The following DLGAP2 variants were observed in gnomAD, a reference collection of about 807,000 sequenced individuals.
DLGAP2 encodes the protein DLG associated protein 2, also known as disks large-associated protein 2.
Under a neutral mutation model 100.3 loss-of-function variants are expected in DLGAP2, and 26 were observed. The observed-to-expected ratio is 0.26, with a 90% CI of 0.19 to 0.36. The LOEUF is 0.36. Among genes scored for constraint, DLGAP2 ranks in the 10% least tolerant of loss-of-function variants. The pLI, the probability that DLGAP2 is intolerant of heterozygous loss-of-function variation, is 1.00. For missense variants in DLGAP2, 1,858 were observed against 1,453.2 expected, an observed-to-expected ratio of 1.28 and a Z score of -4.53; for synonymous variants, 886 against 630.1, an observed-to-expected ratio of 1.41 and a Z score of -6.08.
intron 3 of DLGAP2, among the ~76,000 whole-genome samples, chr8:1,278,791 A>C (rs1295189364): frequency 6.6e-6 from 1 of 152,228 alleles, no homozygotes; most frequent in African/African-American, 2.4e-5. Flanking sequence ...AAGCCATAAA[A>C]ATAATTTCAG....
intron 1 of DLGAP2, among the ~76,000 whole-genome samples, chr8:785,220 T>TGAAAA (rs1821808165): frequency 7.5e-5 from 1 of 13,388 alleles, no homozygotes; most frequent in Non-Finnish European, 1.6e-4. Flanking sequence ...AGACTCCGCC[T>TGAAAA]CAAAAAAAAA....
intron 2 of DLGAP2, among the ~76,000 whole-genome samples, chr8:1,229,608 A>G (rs1159013083): frequency 6.6e-6 from 1 of 152,160 alleles, no homozygotes; most frequent in Non-Finnish European, 1.5e-5. Context: ...TGATGAACAC[A>G]GATGCAAACA....
chr8:1,516,487 G>C (rs1584976383), intron 4 of DLGAP2, among the ~76,000 whole-genome samples: 3 of 150,720 alleles, frequency 2.0e-5, no homozygotes, highest in East Asian at 3.9e-4. Flanking sequence ...GAGTGAAAGA[G>C]TACATGAATG....
At chr8:1,688,269 G>C (rs918816581) in intron 12 of DLGAP2, 3 of 152,222 alleles carry the variant, frequency 2.0e-5, no homozygotes, top group Non-Finnish European at 4.4e-5. Flanking sequence ...TGGTAAATCA[G>C]ATCCAAGGAA....
At chr8:1,083,350 G>A (rs1236002850) in intron 2 of DLGAP2, among the ~76,000 whole-genome samples, 2 of 152,176 alleles carry the variant, frequency 1.3e-5, no homozygotes, top group East Asian at 3.8e-4. Flanking sequence ...CAGCCTTTCG[G>A]AGAGGCAGGG....
chr8:1,548,687 C>T lies in DLGAP2; in HGVS notation c.234C>T (p.Pro78=), dbSNP rs1484001511. 4 of 1,605,224 alleles carry T rather than the reference C, an allele frequency of 2.5e-6. No homozygotes were observed. The highest frequency in any genetic ancestry group is 3.4e-6 in the Non-Finnish European group (4 of 1,177,100). The change falls in exon 5 of 15, where the codon CCC becomes CCT. Residue 78 remains proline (P), a synonymous_variant. Coordinates refer to ENST00000637795, the MANE Select transcript of DLGAP2 (RefSeq NM_001346810.2). ...HFNEERYSPA[P]RSMKGLSGSR... ...ATGAGGAGCGCTACTCGCCCGCGCC[C>T]AGGAGCATGAAGGGCCTTTCCGGAA...
At chr8:763,340 T>G (rs1490082129) in intron 1 of DLGAP2, among the ~76,000 whole-genome samples, 1 of 152,222 alleles carries the variant, frequency 6.6e-6, no homozygotes, top group Non-Finnish European at 1.5e-5. Context: ...TTGTCACTCA[T>G]CTTCTTGCAT....
rs1563158826 is a variant in DLGAP2 at position 1,039,618 on chromosome 8, C to CGGTGTGCGTGGTCAGCTT, written c.73+131669_73+131670insTGGTGTGCGTGGTCAGCT. On this transcript the variant is annotated intron_variant, in intron 2 of 14. Transcript: ENST00000637795. ...GTCAGCTTGGTGTGCGTGGTCAGCT[C>CGGTGTGCGTGGTCAGCTT]GGTGTGCGTGGTCAGCTCGGTGTGC... 3.5e-4 allele frequency among the ~76,000 whole-genome samples: 14 copies of CGGTGTGCGTGGTCAGCTT among 40,390 alleles called. 4 individuals carry two copies. Among genetic ancestry groups the CGGTGTGCGTGGTCAGCTT allele is most frequent in the Admixed American group, 1.1e-3 (4 of 3,778 alleles). 26.5% of individuals were successfully genotyped at this position (40,390 alleles called of 152,430 possible).
At chr8:917,898 A>T (rs2024818289) in intron 2 of DLGAP2, among the ~76,000 whole-genome samples, 1 of 152,104 alleles carries the variant, frequency 6.6e-6, no homozygotes, top group South Asian at 2.1e-4. Flanking sequence ...TTCTTTTGTG[A>T]GGTAAAGTTG....
chr8:1,681,937 G>A (rs575563601), intron 12 of DLGAP2, among the ~76,000 whole-genome samples: 7 of 138,784 alleles, frequency 5.0e-5, no homozygotes, highest in African/African-American at 1.7e-4. Context: ...GACGTTGAAC[G>A]CTCTGCCTTC....
In DLGAP2 at chr8:1,705,847, G is replaced by C. The variant is rs1799691920; in HGVS notation, c.*4441G>C. 6.6e-6 allele frequency: 1 copy of C among 152,136 alleles called. No individual in the cohort carries two copies. The highest frequency in any genetic ancestry group is 1.5e-5 in the Non-Finnish European group (1 of 68,034). The allele number at this position is 152,136 out of a possible 1,614,324, so 9.4% of individuals were successfully genotyped here. On this transcript the variant is annotated 3_prime_UTR_variant, in exon 15 of 15. Coordinates refer to ENST00000637795, the MANE Select transcript of DLGAP2 (RefSeq NM_001346810.2). ...TGTTTACACTTCTCTGTAGGCGTGG[G>C]TTGAATACAAGTTTCCAAAACTTTA... is the stretch of plus-strand genomic sequence containing the variant.
At chr8:855,974 C>G (rs1797268389) in intron 1 of DLGAP2, among the ~76,000 whole-genome samples, 1 of 152,096 alleles carries the variant, frequency 6.6e-6, no homozygotes, top group African/African-American at 2.4e-5. Context: ...TTGGAGCATC[C>G]CGCAGAGATC....
At chr8:1,055,841 T>G (rs1407852748) in intron 2 of DLGAP2, among the ~76,000 whole-genome samples, 1 of 152,228 alleles carries the variant, frequency 6.6e-6, no homozygotes, top group Non-Finnish European at 1.5e-5. Context: ...GAATCCTGAT[T>G]CTTACTTCAA....
rs541338404 is a variant in DLGAP2, at chr8:1,073,044, A to G, written c.73+165078A>G. On this transcript the variant is annotated intron_variant, in intron 2 of 14. Transcript: ENST00000637795. ...TTTGTACCTCTGATCTTATGTTGTC[A>G]CAATCATTATAGCACCGTGCTTTAC... is the stretch of plus-strand genomic sequence containing the variant. Among the ~76,000 whole-genome samples the G allele has an allele frequency of 2.6e-5, 4 of 152,322 alleles. No individual in the cohort carries two copies. The South Asian group carries it at 8.3e-4, about 32-fold the overall frequency.
At chr8:1,225,932 A>T (rs1392936491) in intron 2 of DLGAP2, among the ~76,000 whole-genome samples, 3 of 152,112 alleles carry the variant, frequency 2.0e-5, no homozygotes, top group Admixed American at 2.0e-4. Flanking sequence ...GTATGCTGTA[A>T]ATATATATAT....
chr8:763,705 C>T (rs1312351082), intron 1 of DLGAP2, among the ~76,000 whole-genome samples: 1 of 151,306 alleles, frequency 6.6e-6, no homozygotes, highest in Non-Finnish European at 1.5e-5. Context: ...CTCGGTGTGT[C>T]CTTCGTCTCA....
At chr8:1,515,701 C>T (rs1026984239) in intron 4 of DLGAP2, among the ~76,000 whole-genome samples, 2 of 152,166 alleles carry the variant, frequency 1.3e-5, no homozygotes, top group African/African-American at 4.8e-5. Flanking sequence ...CACAAATATG[C>T]AGACACACAA....
chr8:851,486 G>C lies in DLGAP2; in HGVS notation c.19-56426G>C, dbSNP rs548155661. Among the ~76,000 whole-genome samples the C allele has an allele frequency of 3.3e-5, 5 of 152,170 alleles. No individual in the cohort carries two copies. The East Asian group carries it at 9.6e-4, about 29-fold the overall frequency. ...ATTTAAAATAATGTGTTAATAGGAA[G>C]CACCTATGTTAGTATATTATGATGA... On this transcript the variant is annotated intron_variant, in intron 1 of 14. Coordinates refer to ENST00000637795, the MANE Select transcript of DLGAP2 (RefSeq NM_001346810.2).
At chr8:1,142,074 G>GT (rs35192349) in intron 2 of DLGAP2, among the ~76,000 whole-genome samples, 85,669 of 149,464 alleles carry the variant, frequency 0.57, 25,697 homozygotes, top group Non-Finnish European at 0.67. Flanking sequence ...ACGTATATAA[G>GT]TTTTTTTTTT....
Sources: allele counts gnomAD v4.1 joint callset (sites outside exome capture counted in the v4.1 genomes callset), GRCh38; gene constraint gnomAD v4.1.1; transcripts MANE v1.5; gene names NCBI Gene and HGNC (gene_info 2026-07-23, HGNC 2026-07-21).